Variants in MTFR2 observed in about 807,000 individuals in gnomAD.
MTFR2 encodes the protein mitochondrial fission regulator 2.
A neutral mutation model predicts 41.2 loss-of-function variants in MTFR2; 44 were observed. The observed-to-expected ratio is 1.07, with a 90% CI of 0.84 to 1.37. MTFR2 has a LOEUF of 1.37. Among genes scored for constraint, MTFR2 ranks in the 40% most tolerant of loss-of-function variants. MTFR2 has a pLI of 0.00. For missense variants in MTFR2, 452 were observed against 459.5 expected (o/e 0.98, Z 0.15); for synonymous variants, 141 against 154.6 (o/e 0.91, Z 0.65).
intron 4 of MTFR2, among the ~76,000 whole-genome samples, chr6:136,242,102 A>C (rs1173988030): frequency 1.3e-5 from 2 of 150,560 alleles, no homozygotes; most frequent in African/African-American, 2.4e-5. Context: ...AAAAAAAAAA[A>C]AAAAAACCTA....
At chr6:136,238,703 CACACAT>C (rs1012498927) in intron 6 of MTFR2, among the ~76,000 whole-genome samples, 15 of 151,768 alleles carry the variant, frequency 9.9e-5, no homozygotes, top group East Asian at 3.9e-4. Context: ...CACACACACA[CACACAT>C]GGAACTCAGA....
rs1260567173 is a variant in MTFR2 at position 136,249,135 on chromosome 6, A to G, written c.-36T>C. ...AATACAGAAGCCAATTCAAAGGAAC[A>G]TTATCAGTTTCTTGGTGCCTTTGGG... On this transcript the variant is annotated 5_prime_UTR_variant, in exon 2 of 8. An upstream start codon of the reference 5' UTR is lost. Transcript: ENST00000420702. 2 of 1,533,782 alleles carry G rather than the reference A, an allele frequency of 1.3e-6. No individual in the cohort carries two copies. The highest frequency in any genetic ancestry group is 1.2e-5 in the South Asian group (1 of 80,890).
intron 2 of MTFR2, chr6:136,248,661 G>A: frequency 4.3e-6 from 1 of 232,190 alleles, no homozygotes; most frequent in Non-Finnish European, 8.3e-6. Context: ...ATAATTCTCA[G>A]GCCTAAATCA....
chr6:136,246,128 T>C (rs998019968), intron 2 of MTFR2, among the ~76,000 whole-genome samples: 1 of 152,234 alleles, frequency 6.6e-6, no homozygotes. Flanking sequence ...CTATGACATA[T>C]ACAGTCACCC....
At chr6:136,241,812 C>T (rs1365137558) in intron 4 of MTFR2, 136 bp from the exon 5 acceptor site, 3 of 691,962 alleles carry the variant, frequency 4.3e-6, no homozygotes, top group East Asian at 2.7e-5. Context: ...GGCACAGTGG[C>T]TCACACCTGT....
intron 6 of MTFR2, among the ~76,000 whole-genome samples, chr6:136,235,148 T>C (rs149666055): frequency 2.3e-3 from 351 of 151,292 alleles, no homozygotes; most frequent in African/African-American, 8.3e-3. Flanking sequence ...CCTCAGCCTC[T>C]CAAAGTGCTG....
intron 6 of MTFR2, among the ~76,000 whole-genome samples, chr6:136,235,254 G>GAAAGAACAGGTTTTCAAGGTGGCGGA (rs11273923): frequency 0.17 from 24,957 of 150,766 alleles, 6,810 homozygotes; most frequent in African/African-American, 0.57. Context: ...AAAGACGTGG[G>GAAAGAACAGGTTTTCAAGGTGGCGGA]AAAGAACAGG....
intron 6 of MTFR2, among the ~76,000 whole-genome samples, chr6:136,234,505 G>T (rs150948150): frequency 6.6e-6 from 1 of 152,146 alleles, no homozygotes; most frequent in African/African-American, 2.4e-5. Flanking sequence ...TGTGAGAAAC[G>T]GAAAAAAGAA....
At chr6:136,238,077 C>T (rs1238632012) in intron 6 of MTFR2, among the ~76,000 whole-genome samples, 2 of 152,156 alleles carry the variant, frequency 1.3e-5, no homozygotes, top group East Asian at 1.9e-4. Context: ...CCAGCAATCC[C>T]ACTTCTGGGT....
At chr6:136,238,441 A>AT (rs1179752859) in intron 6 of MTFR2, among the ~76,000 whole-genome samples, 3 of 151,864 alleles carry the variant, frequency 2.0e-5, no homozygotes, top group Non-Finnish European at 2.9e-5. Flanking sequence ...TCCTGTCTCT[A>AT]TTTTTTTTAA....
At chr6:136,242,438 T>A (rs999123775) in intron 4 of MTFR2, among the ~76,000 whole-genome samples, 1 of 152,188 alleles carries the variant, frequency 6.6e-6, no homozygotes, top group African/African-American at 2.4e-5. Flanking sequence ...GTTTGATACA[T>A]AATAAAATCA....
chr6:136,237,320 T>A (rs574061646), intron 6 of MTFR2, among the ~76,000 whole-genome samples: 193 of 152,226 alleles, frequency 1.3e-3, no homozygotes, highest in African/African-American at 4.5e-3. Context: ...AATCACCAGA[T>A]GCTTACCCAA....
intron 4 of MTFR2, among the ~76,000 whole-genome samples, 183 bp from the exon 5 acceptor site, chr6:136,241,859 C>G (rs1289163126): frequency 2.6e-5 from 4 of 151,958 alleles, no homozygotes. Flanking sequence ...AGTGAATCAC[C>G]TGAGGCCAGG....
chr6:136,235,824 CG>C (rs1314221711), intron 6 of MTFR2, among the ~76,000 whole-genome samples: 4 of 152,024 alleles, frequency 2.6e-5, no homozygotes, highest in African/African-American at 9.7e-5. Context: ...CCCAGCTACT[CG>C]GGAGGCCGAG....
At chr6:136,249,276 T>C (rs1316902002) in intron 1 of MTFR2, 123 bp from the exon 2 acceptor site, 4 of 515,488 alleles carry the variant, frequency 7.8e-6, no homozygotes, top group Admixed American at 8.4e-5. Flanking sequence ...CAGCATTCTT[T>C]TAAGTCAGAG....
intron 5 of MTFR2, among the ~76,000 whole-genome samples, chr6:136,240,910 T>C (rs574269396): frequency 1.8e-4 from 27 of 152,146 alleles, no homozygotes; most frequent in Middle Eastern, 3.4e-3. Context: ...GCTAACACGG[T>C]GAAACCCCGT....
At chr6:136,231,755 CA>C (rs1779766278) in intron 7 of MTFR2, among the ~76,000 whole-genome samples, 3 of 149,804 alleles carry the variant, frequency 2.0e-5, no homozygotes, top group Non-Finnish European at 4.4e-5. Flanking sequence ...GAACTAATAG[CA>C]AGCAGTAAAT....
intron 2 of MTFR2, among the ~76,000 whole-genome samples, chr6:136,248,491 C>T (rs1054392606): frequency 3.9e-5 from 6 of 152,200 alleles, no homozygotes; most frequent in African/African-American, 4.8e-5. Context: ...TTGCCTGCCA[C>T]CATGTAAAAT....
chr6:136,235,124 G>A (rs565762223), intron 6 of MTFR2, among the ~76,000 whole-genome samples: 2 of 152,154 alleles, frequency 1.3e-5, no homozygotes, highest in East Asian at 1.9e-4. Flanking sequence ...TCCTGACCTC[G>A]AGTGATCTGC....
Sources: allele counts gnomAD v4.1 joint callset (sites outside exome capture counted in the v4.1 genomes callset), GRCh38; gene constraint gnomAD v4.1.1; transcripts MANE v1.5; gene names NCBI Gene and HGNC (gene_info 2026-07-23, HGNC 2026-07-21).